Variants in PPFIA2 observed in about 807,000 individuals in gnomAD.
PPFIA2 encodes PPFI scaffold protein A2.
A neutral mutation model predicts 175.5 loss-of-function variants in PPFIA2; 46 were observed. The observed-to-expected ratio is 0.26, with a 90% CI of 0.21 to 0.34. The LOEUF is 0.34. Among genes scored for constraint, PPFIA2 ranks in the 10% least tolerant of loss-of-function variants. The pLI is 1.00. For synonymous variants in PPFIA2, 568 were observed against 511.4 expected (o/e 1.11, Z -1.49); for missense variants, 1,179 against 1,506.1 (o/e 0.78, Z 3.60).
chr12:81,599,922 A>G (rs777514483), intron 4 of PPFIA2, among the ~76,000 whole-genome samples: 30 of 152,120 alleles, frequency 2.0e-4, no homozygotes, highest in Non-Finnish European at 3.5e-4. Flanking sequence ...ATGGATAAGC[A>G]TACCACAAAG....
chr12:81,294,928 T>G lies in PPFIA2; in HGVS notation c.2832A>C (p.Gly944=). 1 of 1,613,680 alleles carries G rather than the reference T, an allele frequency of 6.2e-7. No individual in the cohort carries two copies. The highest frequency in any genetic ancestry group is 8.5e-7 in the Non-Finnish European group (1 of 1,179,762). The part of the protein sequence containing the change: ...LSDTEIQREI[G]ISNPLHRLKL... ...TTAAGCGATGCAGTGGATTGCTGATTCCAATTTCTCTCTGGATCTCAGTGT... is the reference window on the plus strand; with the variant it reads ...TTAAGCGATGCAGTGGATTGCTGATGCCAATTTCTCTCTGGATCTCAGTGT... Residue 944 remains glycine (G), a synonymous_variant, in exon 24 of 33, where the codon GGA becomes GGC. Coordinates refer to ENST00000549396, the MANE Select transcript of PPFIA2 (RefSeq NM_003625.5).
intron 4 of PPFIA2, among the ~76,000 whole-genome samples, chr12:81,599,794 G>T (rs2059611387): frequency 6.6e-6 from 1 of 151,790 alleles, no homozygotes; most frequent in African/African-American, 2.4e-5. Flanking sequence ...GCTTTTCTTT[G>T]TTTCTCATGA....
intron 3 of PPFIA2, among the ~76,000 whole-genome samples, chr12:81,682,169 G>A (rs1233182680): frequency 1.3e-5 from 2 of 151,968 alleles, no homozygotes; most frequent in African/African-American, 2.4e-5. Context: ...CTTTAATGAG[G>A]TGATTAAGAA....
At chr12:81,471,982 GT>G (rs1017547794) in intron 4 of PPFIA2, among the ~76,000 whole-genome samples, 3 of 152,004 alleles carry the variant, frequency 2.0e-5, no homozygotes, top group African/African-American at 7.2e-5. Flanking sequence ...TATATGAAGA[GT>G]TTTTTTAAAC....
At chr12:81,350,832 A>G (rs772170582) in intron 17 of PPFIA2, among the ~76,000 whole-genome samples, 9 of 152,178 alleles carry the variant, frequency 5.9e-5, no homozygotes, top group South Asian at 2.1e-4. Flanking sequence ...TCTAAAGTGC[A>G]GTAGGGTGAT....
chr12:81,327,685 G>A (rs958401141), intron 21 of PPFIA2, among the ~76,000 whole-genome samples: 6 of 151,822 alleles, frequency 4.0e-5, no homozygotes, highest in African/African-American at 1.5e-4. Context: ...ATTCTTCTGA[G>A]CAATATAAGA....
At chr12:81,347,098 A>G (rs1399495839) in intron 18 of PPFIA2, among the ~76,000 whole-genome samples, 1 of 145,966 alleles carries the variant, frequency 6.9e-6, no homozygotes, top group Non-Finnish European at 1.5e-5. Flanking sequence ...ACACCCAGCT[A>G]ATTTTTTTCT....
At chr12:81,455,970 T>C (rs1216624971) in intron 5 of PPFIA2, among the ~76,000 whole-genome samples, 6 of 152,170 alleles carry the variant, frequency 3.9e-5, no homozygotes, top group East Asian at 3.8e-4. Context: ...GAAAAAAGGC[T>C]AGATGAACCT....
At chr12:81,599,875 G>A (rs1355131026) in intron 4 of PPFIA2, among the ~76,000 whole-genome samples, 1 of 151,852 alleles carries the variant, frequency 6.6e-6, no homozygotes, top group African/African-American at 2.4e-5. Context: ...AATCATACAT[G>A]TTTGCCTGTT....
At chr12:81,694,890 G>T (rs992217169) in intron 3 of PPFIA2, among the ~76,000 whole-genome samples, 10 of 152,240 alleles carry the variant, frequency 6.6e-5, no homozygotes, top group Admixed American at 6.5e-4. Context: ...GTTTGCCCTG[G>T]ATATGGGATA....
In PPFIA2 at chr12:81,599,563, T is replaced by G. The variant is rs142793169; in HGVS notation, c.303+77228A>C. ...AAAGAAAGTACAGAGAATTCCTGTA[T>G]GTCCTTCATTCAGTTTTTCTAACTG... On this transcript the variant is annotated intron_variant, in intron 4 of 32. Coordinates refer to ENST00000549396, the MANE Select transcript of PPFIA2 (RefSeq NM_003625.5). 7.5e-3 allele frequency among the ~76,000 whole-genome samples: 1,144 copies of G among 152,156 alleles called. 11 individuals carry two copies. Among genetic ancestry groups the G allele is most frequent in the South Asian group, 0.014 (67 of 4,830 alleles).
chr12:81,452,801 T>C (rs1319398176), intron 5 of PPFIA2, among the ~76,000 whole-genome samples: 2 of 152,162 alleles, frequency 1.3e-5, no homozygotes, highest in African/African-American at 4.8e-5. Flanking sequence ...TCTGTTAAGA[T>C]AATTCCTTTG....
chr12:81,367,005 A>G, intron 14 of PPFIA2, 103 bp downstream of exon 14: 1 of 1,216,362 alleles, frequency 8.2e-7, no homozygotes, highest in South Asian at 1.7e-5. Flanking sequence ...CAAAGATAGC[A>G]TACTAAAATT....
chr12:81,418,203 T>C (rs1386111986), intron 7 of PPFIA2, among the ~76,000 whole-genome samples: 1 of 151,866 alleles, frequency 6.6e-6, no homozygotes, highest in Non-Finnish European at 1.5e-5. Flanking sequence ...GCGTTATAGC[T>C]CCTCTTTGGA....
chr12:81,391,399 C>A (rs10732675), intron 8 of PPFIA2, among the ~76,000 whole-genome samples: 151,983 of 151,988 alleles, frequency 1, 75,989 homozygotes, highest in Non-Finnish European at 1. Flanking sequence ...TGAGACTTGA[C>A]AGGGAAGGCC....
At chr12:81,368,354 A>G (rs986959271) in intron 13 of PPFIA2, among the ~76,000 whole-genome samples, 2 of 151,692 alleles carry the variant, frequency 1.3e-5, no homozygotes, top group Non-Finnish European at 3.0e-5. Flanking sequence ...GTCACTTGAC[A>G]CGTGAATATT....
At chr12:81,474,173 A>T (rs929634127) in intron 4 of PPFIA2, among the ~76,000 whole-genome samples, 1 of 152,014 alleles carries the variant, frequency 6.6e-6, no homozygotes, top group African/African-American at 2.4e-5. Flanking sequence ...ATTTGTTTTG[A>T]GATACAGTCT....
intron 4 of PPFIA2, chr12:81,535,456 T>A: frequency 2.2e-6 from 1 of 455,434 alleles, no homozygotes; most frequent in South Asian, 1.6e-5. Context: ...TGATGCTCAA[T>A]ATCCTGAAAG....
At chr12:81,658,046 G>A (rs1238317635) in intron 4 of PPFIA2, among the ~76,000 whole-genome samples, 1 of 152,024 alleles carries the variant, frequency 6.6e-6, no homozygotes, top group Admixed American at 6.6e-5. Context: ...AGGCGTGTGG[G>A]TAACCTGAGG....
Sources: gnomAD v4.1 joint callset for allele counts (sites outside exome capture counted in the v4.1 genomes callset) on GRCh38, gnomAD v4.1.1 for gene constraint, MANE v1.5 for transcripts, NCBI Gene and HGNC (gene_info 2026-07-23, HGNC 2026-07-21) for gene names.